Variants in CA10 observed in about 807,000 individuals in gnomAD.
The protein encoded by CA10 is carbonic anhydrase-related protein 10.
CA10 carries 14 observed loss-of-function variants against 44.2 expected under a neutral mutation model. That is an observed-to-expected ratio of 0.32 (90% CI 0.21 to 0.50). The LOEUF is 0.50. Ranked by LOEUF, CA10 falls within the 20% of genes least tolerant of loss-of-function variation. CA10 has a pLI of 0.99. For synonymous variants in CA10, 159 were observed against 141.6 expected, an observed-to-expected ratio of 1.12 and a Z score of -0.87; for missense variants, 350 against 409.7, an observed-to-expected ratio of 0.85 and a Z score of 1.26.
intron 2 of CA10, among the ~76,000 whole-genome samples, chr17:52,006,283 G>A (rs1339555634): frequency 6.6e-6 from 1 of 151,594 alleles, no homozygotes; most frequent in Non-Finnish European, 1.5e-5. Flanking sequence ...ACTGAAAAAA[G>A]AAAATGGGGT....
chr17:51,962,584 T>C (rs1227760376), intron 2 of CA10, among the ~76,000 whole-genome samples: 2 of 152,162 alleles, frequency 1.3e-5, no homozygotes, highest in African/African-American at 4.8e-5. Flanking sequence ...TACCATCTAC[T>C]GGCTTGTAAG....
chr17:52,048,657 A>G (rs905715099), intron 2 of CA10, among the ~76,000 whole-genome samples: 2 of 152,010 alleles, frequency 1.3e-5, no homozygotes, highest in Admixed American at 6.6e-5. Context: ...GGTGGGGTAG[A>G]GTAGGAAAAT....
At chr17:51,726,249 C>T (rs1916518217) in intron 4 of CA10, among the ~76,000 whole-genome samples, 1 of 132,638 alleles carries the variant, frequency 7.5e-6, no homozygotes, top group Non-Finnish European at 1.7e-5. Flanking sequence ...CTCTGAGAGG[C>T]TGATCTACAC....
chr17:51,847,700 T>G (rs534899005), intron 3 of CA10, among the ~76,000 whole-genome samples: 21 of 152,294 alleles, frequency 1.4e-4, no homozygotes, highest in Admixed American at 1.2e-3. Flanking sequence ...TGCAGCATGC[T>G]GGGGTAAATG....
intron 3 of CA10, among the ~76,000 whole-genome samples, chr17:51,926,735 A>G (rs1177274135): frequency 2.0e-5 from 3 of 152,080 alleles, no homozygotes; most frequent in East Asian, 3.9e-4. Flanking sequence ...TAAGGACTCT[A>G]TGGTTACAAG....
In CA10 at chr17:51,717,741, A is replaced by G. The variant is rs368868891; in HGVS notation, c.465+29892T>C. ...TACGTATATATACATATATACGTAT[A>G]TATACATGTATATATACGTATATAT... On this transcript the variant is annotated intron_variant, in intron 4 of 8. Transcript: ENST00000451037. Among the ~76,000 whole-genome samples, 49 of 34,314 alleles carry G rather than the reference A, an allele frequency of 1.4e-3. 1 individual carries two copies. Among genetic ancestry groups the G allele is most frequent in the Non-Finnish European group, 2.2e-3 (33 of 14,936 alleles). The allele number at this position is 34,314 out of a possible 152,430, so 22.5% of individuals were successfully genotyped here.
rs796389908 is a variant in CA10, at chr17:51,715,698, C to CT, written c.465+31934dup. ...CAGAGAGTAGTCTTGTTCATTCATT[C>CT]TTTTTTTTTTCAGACGGAGTCTCGC... On this transcript the variant is annotated intron_variant, in intron 4 of 8. Coordinates refer to ENST00000451037, the MANE Select transcript of CA10 (RefSeq NM_020178.5). Among the ~76,000 whole-genome samples, 1,322 of 149,860 alleles carry CT rather than the reference C, an allele frequency of 8.8e-3. 16 individuals carry two copies. The highest frequency in any genetic ancestry group is 0.025 in the African/African-American group (1,018 of 40,948).
At chr17:52,044,454 C>T (rs1296452873) in intron 2 of CA10, among the ~76,000 whole-genome samples, 1 of 152,034 alleles carries the variant, frequency 6.6e-6, no homozygotes, top group Admixed American at 6.5e-5. Flanking sequence ...TGGGTGCATG[C>T]CACCACACCT....
intron 3 of CA10, among the ~76,000 whole-genome samples, chr17:51,889,098 G>A (rs1348321409): frequency 6.6e-6 from 1 of 152,180 alleles, no homozygotes; most frequent in Non-Finnish European, 1.5e-5. Context: ...TGAATTCTGT[G>A]AGGGAGAGTC....
intron 1 of CA10, among the ~76,000 whole-genome samples, chr17:52,146,256 A>T (rs1989580411): frequency 2.7e-5 from 4 of 146,144 alleles, no homozygotes; most frequent in Non-Finnish European, 6.0e-5. Flanking sequence ...GTATGATAAT[A>T]AAAAAAAAAT....
At position 52,084,392 on chromosome 17, in the gene CA10, G is replaced by C. The variant is rs529920983; in HGVS notation, c.62-11999C>G. On this transcript the variant is annotated intron_variant, in intron 1 of 8. Transcript: ENST00000451037. ...AGCATTTGCTGAGCATGCACTATAT[G>C]ACAGGTGCTGTCACATACTTATAAG... Among the ~76,000 whole-genome samples the C allele has an allele frequency of 1.0e-3, 156 of 152,270 alleles. 2 individuals are homozygous for C. Among genetic ancestry groups the C allele is most frequent in the Non-Finnish European group, 7.5e-4 (51 of 68,022 alleles).
Position 51,677,894 on chromosome 17 carries a change from C to CG in CA10, c.466-24159_466-24158insC, listed in dbSNP as rs944680606. 4.7e-3 allele frequency among the ~76,000 whole-genome samples: 676 copies of CG among 144,088 alleles called. 7 individuals carry two copies. The highest frequency in any genetic ancestry group is 7.5e-3 in the Non-Finnish European group (470 of 62,910). The allele number at this position is 144,088 out of a possible 152,430, so 94.5% of individuals were successfully genotyped here. A position where few individuals can be genotyped will look rare whatever the true frequency, so the allele number is the denominator to read the frequency against. On this transcript the variant is annotated intron_variant, in intron 4 of 8. Transcript: ENST00000451037. ...CCACTCCTAGGTATACACCCCCCCC[C>CG]CCACCGGCTGCCAATTGAAAATAGG... is the stretch of plus-strand genomic sequence containing the variant.
chr17:51,944,060 A>C (rs1485088752), intron 2 of CA10, among the ~76,000 whole-genome samples: 1 of 152,160 alleles, frequency 6.6e-6, no homozygotes, highest in African/African-American at 2.4e-5. Context: ...TCCACCAAAC[A>C]ACCTTTGGAT....
chr17:52,058,560 C>T (rs1987292116), intron 2 of CA10, among the ~76,000 whole-genome samples: 1 of 152,110 alleles, frequency 6.6e-6, no homozygotes, highest in Admixed American at 6.6e-5. Context: ...ATAATAGGGA[C>T]TCTCATAAAT....
At chr17:52,026,412 T>A (rs960850245) in intron 2 of CA10, among the ~76,000 whole-genome samples, 25 of 152,144 alleles carry the variant, frequency 1.6e-4, no homozygotes, top group African/African-American at 5.6e-4. Context: ...TTTTCTAGTT[T>A]AATCCTCCCA....
chr17:52,082,398 C>CT (rs780514468), intron 1 of CA10, among the ~76,000 whole-genome samples: 8 of 152,174 alleles, frequency 5.3e-5, no homozygotes, highest in Non-Finnish European at 1.0e-4. Context: ...AATTTTGCTT[C>CT]TTTCACCAAA....
rs769716014 is a variant in CA10 at position 51,711,304 on chromosome 17, T to C, written c.465+36329A>G. ...TTGTTCTGGTTTCGAGATATACTAT[T>C]AGGAAACTGGCAATGCACCTGTTGT... On this transcript the variant is annotated intron_variant, in intron 4 of 8. Coordinates refer to ENST00000451037, the MANE Select transcript of CA10 (RefSeq NM_020178.5). 1.5e-4 allele frequency among the ~76,000 whole-genome samples: 23 copies of C among 152,266 alleles called. 1 individual carries two copies. The highest frequency in any genetic ancestry group is 4.1e-4 in the South Asian group (2 of 4,826).
intron 2 of CA10, among the ~76,000 whole-genome samples, chr17:52,002,179 G>A (rs1034945144): frequency 2.0e-5 from 3 of 151,728 alleles, no homozygotes; most frequent in Non-Finnish European, 4.4e-5. Flanking sequence ...TTGTGCACAT[G>A]TACCCTATAA....
chr17:51,942,838 C>A (rs1983135431), intron 2 of CA10, among the ~76,000 whole-genome samples: 1 of 152,038 alleles, frequency 6.6e-6, no homozygotes, highest in South Asian at 2.1e-4. Context: ...CCTTGCAGCC[C>A]TGGAGTTCTG....
Sources: allele counts gnomAD v4.1 joint callset (sites outside exome capture counted in the v4.1 genomes callset), GRCh38; gene constraint gnomAD v4.1.1; transcripts MANE v1.5; gene names NCBI Gene and HGNC (gene_info 2026-07-23, HGNC 2026-07-21).